The following CDKL4 variants were observed in gnomAD, a reference collection of about 807,000 sequenced individuals.
CDKL4 encodes cyclin dependent kinase like 4.
A neutral mutation model predicts 42.0 loss-of-function variants in CDKL4; 44 were observed. The ratio of observed to expected loss-of-function variants is 1.05; its 90% CI spans 0.82 to 1.35. The LOEUF is 1.35. Ranked by LOEUF, CDKL4 falls within the 40% of genes most tolerant of loss-of-function variation. The probability of loss-of-function intolerance (pLI) is 0.00; values close to 1 mark genes in which losing one functional copy is unlikely to be tolerated. For missense variants in CDKL4, 393 were observed against 369.9 expected, an observed-to-expected ratio of 1.06 and a Z score of -0.51; for synonymous variants, 120 against 121.6, an observed-to-expected ratio of 0.99 and a Z score of 0.09.
chr2:39,230,262 C>T lies in CDKL4; in HGVS notation c.-56-674G>A, dbSNP rs563435359. 9.2e-5 allele frequency among the ~76,000 whole-genome samples: 14 copies of T among 152,270 alleles called. 1 individual carries two copies. The South Asian group carries it at 2.5e-3, about 27-fold the overall frequency. On this transcript the variant is annotated intron_variant, in intron 1 of 9. Transcript: ENST00000451199. The stretch of plus-strand genomic sequence containing the variant: ...GGTGTGGTGGCACATGCCTGTAATC[C>T]CAGCTACTCAGGAGGCCCTTGAACC...
chr2:39,206,045 T>G (rs1166296212), intron 4 of CDKL4, among the ~76,000 whole-genome samples: 1 of 71,666 alleles, frequency 1.4e-5, no homozygotes, highest in East Asian at 4.1e-4. Flanking sequence ...AAAGCAGCTG[T>G]TTTTTTTTGT....
intron 3 of CDKL4, among the ~76,000 whole-genome samples, chr2:39,222,903 C>A (rs79442181): frequency 2.5e-4 from 38 of 152,112 alleles, no homozygotes; most frequent in African/African-American, 8.9e-4. Flanking sequence ...CATACAACAT[C>A]CTATTTAGTG....
At chr2:39,187,739 T>C (rs1172098136) in intron 6 of CDKL4, 30 bp from the exon 7 acceptor site, 2 of 1,504,630 alleles carry the variant, frequency 1.3e-6, no homozygotes, top group East Asian at 2.3e-5. Flanking sequence ...TAATTCATCA[T>C]AAATTTGGCA....
intron 1 of CDKL4, among the ~76,000 whole-genome samples, chr2:39,232,467 A>C (rs1294484278): frequency 1.3e-5 from 2 of 152,224 alleles, no homozygotes; most frequent in Non-Finnish European, 2.9e-5. Flanking sequence ...AATGGACAGA[A>C]TCATCTAAAA....
At chr2:39,175,368 T>C (rs982606105), downstream of CDKL4, among the ~76,000 whole-genome samples, 1 of 152,218 alleles carries the variant, frequency 6.6e-6, no homozygotes, top group Admixed American at 6.5e-5. Flanking sequence ...CTGTTTGCTA[T>C]GTATTGGAAT....
chr2:39,242,956 T>C (rs991904182), intron 1 of CDKL4, among the ~76,000 whole-genome samples: 1 of 151,324 alleles, frequency 6.6e-6, no homozygotes, highest in Non-Finnish European at 1.5e-5. Context: ...AAAAAGTTGC[T>C]GGGCGTGGTG....
At chr2:39,212,232 GA>G (rs981744491) in intron 4 of CDKL4, among the ~76,000 whole-genome samples, 4 of 149,542 alleles carry the variant, frequency 2.7e-5, no homozygotes, top group South Asian at 4.2e-4. Context: ...AAAAATTAAT[GA>G]ATTTTTTTTT....
chr2:39,241,767 C>A (rs565558677), intron 1 of CDKL4, among the ~76,000 whole-genome samples: 2 of 152,196 alleles, frequency 1.3e-5, no homozygotes. Flanking sequence ...GCTATGTTAA[C>A]GACTTCCTTT....
intron 1 of CDKL4, among the ~76,000 whole-genome samples, chr2:39,241,363 G>A (rs187086288): frequency 1.3e-5 from 2 of 152,284 alleles, no homozygotes; most frequent in East Asian, 3.9e-4. Context: ...CTTATTGCCA[G>A]CTTGAAATTA....
chr2:39,234,007 G>C (rs1386296915), intron 1 of CDKL4, among the ~76,000 whole-genome samples: 1 of 150,046 alleles, frequency 6.7e-6, no homozygotes, highest in African/African-American at 2.5e-5. Context: ...TCTGCCTCCC[G>C]GGTTCAAGCG....
intron 1 of CDKL4, among the ~76,000 whole-genome samples, chr2:39,240,122 A>C (rs1425091339): frequency 6.7e-6 from 1 of 149,730 alleles, no homozygotes; most frequent in Non-Finnish European, 1.5e-5. Flanking sequence ...TAACTTAAAA[A>C]TTAACCGCCA....
chr2:39,231,370 C>G (rs893857973), intron 1 of CDKL4, among the ~76,000 whole-genome samples: 2 of 152,196 alleles, frequency 1.3e-5, no homozygotes, highest in Admixed American at 6.5e-5. Flanking sequence ...TAAAACTTCT[C>G]TAATAATATT....
chr2:39,194,450 G>A (rs547466205), intron 5 of CDKL4, among the ~76,000 whole-genome samples: 2 of 152,136 alleles, frequency 1.3e-5, no homozygotes, highest in Non-Finnish European at 2.9e-5. Context: ...CTCCAGCCTG[G>A]GTGACAGAGT....
rs143668749 is a variant in CDKL4, at chr2:39,241,407, C to A, written c.-57+2464G>T. ...AAGTAGTTATTTTAAAGTGTGTTAT[C>A]TCACTTTTCTTCTTTATATTTACTT... On this transcript the variant is annotated intron_variant, in intron 1 of 9. Transcript: ENST00000451199. 9.8e-4 allele frequency among the ~76,000 whole-genome samples: 150 copies of A among 152,318 alleles called. 1 individual carries two copies. The highest frequency in any genetic ancestry group is 3.4e-3 in the African/African-American group (141 of 41,558).
At chr2:39,227,498 C>T (rs1236188848) in intron 2 of CDKL4, among the ~76,000 whole-genome samples, 3 of 152,104 alleles carry the variant, frequency 2.0e-5, no homozygotes. Context: ...CAGGCTGAGG[C>T]AGGAGGATCG....
intron 3 of CDKL4, among the ~76,000 whole-genome samples, chr2:39,224,366 A>AC (rs1678561045): frequency 6.6e-6 from 1 of 152,154 alleles, no homozygotes; most frequent in Non-Finnish European, 1.5e-5. Context: ...CCATTTAGAA[A>AC]CATGTTCATT....
At chr2:39,229,639 T>G in intron 1 of CDKL4, 51 bp from the exon 2 acceptor site, 1 of 853,880 alleles carries the variant, frequency 1.2e-6, no homozygotes, top group Admixed American at 2.6e-5. Flanking sequence ...GACAATGTTC[T>G]CACAGGTTAT....
At chr2:39,218,488 CCTT>C (rs1243442125) in intron 3 of CDKL4, among the ~76,000 whole-genome samples, 2 of 152,046 alleles carry the variant, frequency 1.3e-5, no homozygotes, top group Admixed American at 6.6e-5. Context: ...GTGAATGAGA[CCTT>C]CTCTCAAAAA....
intron 5 of CDKL4, among the ~76,000 whole-genome samples, chr2:39,192,323 T>G (rs1676236137): frequency 6.6e-6 from 1 of 152,076 alleles, no homozygotes; most frequent in Non-Finnish European, 1.5e-5. Context: ...AATCTTTTGG[T>G]GTATTTTGTT....
Sources: gnomAD v4.1 joint callset for allele counts (sites outside exome capture counted in the v4.1 genomes callset) on GRCh38, gnomAD v4.1.1 for gene constraint, MANE v1.5 for transcripts, NCBI Gene and HGNC (gene_info 2026-07-23, HGNC 2026-07-21) for gene names.